Variants in RBBP8NL observed in about 807,000 individuals in gnomAD.
RBBP8NL encodes RBBP8 N-terminal-like protein.
A neutral mutation model predicts 62.2 loss-of-function variants in RBBP8NL; 59 were observed. The ratio of observed to expected loss-of-function variants is 0.95; its 90% CI spans 0.77 to 1.18. The LOEUF (loss-of-function observed/expected upper bound fraction) is 1.18. Ranked by LOEUF, RBBP8NL falls within the 50% of genes most tolerant of loss-of-function variation. RBBP8NL has a pLI of 0.00. For missense variants in RBBP8NL, 896 were observed against 899.5 expected, an observed-to-expected ratio of 1.00 and a Z score of 0.05; for synonymous variants, 412 against 394.1, an observed-to-expected ratio of 1.05 and a Z score of -0.54.
At chr20:62,418,751 C>T (rs1569026151) in intron 2 of RBBP8NL, among the ~76,000 whole-genome samples, 1 of 152,162 alleles carries the variant, frequency 6.6e-6, no homozygotes, top group Non-Finnish European at 1.5e-5. Flanking sequence ...TGACCAGCCA[C>T]CTGTGAAAGG....
rs558310414 is a variant in RBBP8NL, at chr20:62,419,867, G to A, written c.-83-137C>T. 203 of 559,570 alleles carry A rather than the reference G, an allele frequency of 3.6e-4. 1 individual carries two copies. The Middle Eastern group carries it at 8.4e-3, about 23-fold the overall frequency. 34.7% of individuals were successfully genotyped at this position (559,570 alleles called of 1,614,324 possible). A position where few individuals can be genotyped will look rare whatever the true frequency, so the allele number is the denominator to read the frequency against. ...GCTGTAGGGGCTACTCATGGGAGGT[G>A]GCCTGGAGGCTCCCGAACCCCACGG... On this transcript the variant is annotated intron_variant, in intron 1 of 13. Coordinates refer to ENST00000252998, the MANE Select transcript of RBBP8NL (RefSeq NM_080833.3).
chr20:62,417,895 C>T (rs1382448630), intron 3 of RBBP8NL, among the ~76,000 whole-genome samples: 1 of 55,902 alleles, frequency 1.8e-5, no homozygotes, highest in African/African-American at 9.3e-5. Context: ...GTCATCTGCA[C>T]GCTCCTCTGT....
chr20:62,416,683 C>G, intron 5 of RBBP8NL, 77 bp downstream of exon 5: 6 of 979,912 alleles, frequency 6.1e-6, no homozygotes, highest in Non-Finnish European at 9.5e-6. Flanking sequence ...TCCCCATGCC[C>G]CTACATGGGC....
chr20:62,420,801 C>T (rs1004384153), intron 1 of RBBP8NL, among the ~76,000 whole-genome samples: 10 of 152,348 alleles, frequency 6.6e-5, no homozygotes, highest in Non-Finnish European at 1.0e-4. Context: ...TCCCTCCCTG[C>T]CTGCCTCCCC....
At position 62,419,705 on chromosome 20, in the gene RBBP8NL, G is replaced by A. The variant is rs778659132; in HGVS notation, c.-58C>T. On this transcript the variant is annotated 5_prime_UTR_variant, in exon 2 of 14. Coordinates refer to ENST00000252998, the MANE Select transcript of RBBP8NL (RefSeq NM_080833.3). Reference sequence around the variant, plus strand: ...CGCTGGGGTTGTGGAGACGCCTGCAGCCTCTACTGCCCCTCTGTGTCCATC... The same window carrying A: ...CGCTGGGGTTGTGGAGACGCCTGCAACCTCTACTGCCCCTCTGTGTCCATC... 2.2e-5 allele frequency: 35 copies of A among 1,555,824 alleles called. No homozygotes were observed. The highest frequency in any genetic ancestry group is 2.9e-5 in the Non-Finnish European group (33 of 1,132,762).
chr20:62,417,660 C>T lies in RBBP8NL; in HGVS notation c.105-341G>A, dbSNP rs112639141. Among the ~76,000 whole-genome samples, 642 of 98,206 alleles carry T rather than the reference C, an allele frequency of 6.5e-3. 26 individuals are homozygous for T. Among genetic ancestry groups the T allele is most frequent in the African/African-American group, 0.028 (589 of 20,934 alleles). 64.4% of individuals were successfully genotyped at this position (98,206 alleles called of 152,430 possible). ...TCCTCTGTGACGTCTGTCCCGTCCACGCACCCCCCCCAGTCATCTGCACGC... is the reference window on the plus strand; with the variant it reads ...TCCTCTGTGACGTCTGTCCCGTCCATGCACCCCCCCCAGTCATCTGCACGC... On this transcript the variant is annotated intron_variant, in intron 3 of 13. Transcript: ENST00000252998.
chr20:62,413,267 G>A, intron 11 of RBBP8NL, 134 bp downstream of exon 11: 1 of 1,160,452 alleles, frequency 8.6e-7, no homozygotes, highest in East Asian at 2.8e-5. Flanking sequence ...CTGGAGCCTG[G>A]GGTTGCCCCG....
intron 3 of RBBP8NL, among the ~76,000 whole-genome samples, chr20:62,417,526 G>A (rs1601488307): frequency 1.5e-5 from 1 of 67,130 alleles, no homozygotes; most frequent in Non-Finnish European, 2.8e-5. Flanking sequence ...TCATCTGCAC[G>A]CTCCTCTGTG....
chr20:62,412,482 G>A, intron 13 of RBBP8NL, 142 bp downstream of exon 13: 1 of 1,123,154 alleles, frequency 8.9e-7, no homozygotes, highest in Non-Finnish European at 1.3e-6. Flanking sequence ...GTTCATTTGG[G>A]GAGGGTTGAG....
chr20:62,421,834 C>T (rs949586472), intron 1 of RBBP8NL, among the ~76,000 whole-genome samples: 35 of 136,072 alleles, frequency 2.6e-4, no homozygotes, highest in African/African-American at 2.5e-4. Flanking sequence ...TGTGCACACC[C>T]GAGCCAGTGT....
At position 62,415,293 on chromosome 20, in the gene RBBP8NL, A is replaced by G; in HGVS notation, c.628-6T>C. On this transcript the variant is annotated splice_region_variant and splice_polypyrimidine_tract_variant and intron_variant, in intron 8 of 13. Coordinates refer to ENST00000252998, the MANE Select transcript of RBBP8NL (RefSeq NM_080833.3). The stretch of plus-strand genomic sequence containing the variant: ...TTGGAGATGCGCTGGGGGCTCTGTG[A>G]GGATGGGTGGGTCAGCCTGGGCGGG... The G allele has an allele frequency of 6.4e-7, 1 of 1,567,960 alleles. No homozygotes were observed. The highest frequency in any genetic ancestry group is 1.2e-5 in the South Asian group (1 of 86,686).
chr20:62,414,146 G>A lies in RBBP8NL; in HGVS notation c.1205C>T (p.Thr402Ile), dbSNP rs753163773. 19 of 1,605,308 alleles carry A rather than the reference G, an allele frequency of 1.2e-5. No individual in the cohort carries two copies. The highest frequency in any genetic ancestry group is 1.1e-4 in the East Asian group (5 of 44,656). Residue 402 changes from threonine (T) to isoleucine (I), a missense_variant, in exon 10 of 14, where the codon ACC (threonine) becomes ATC (isoleucine). Transcript: ENST00000252998. ...SDSEGPENEG[T>I]RAALAAAGLS... ...GCCTGCTGCGGCCAGAGCTGCCCTG[G>A]TCCCCTCATTCTCAGGGCCCTCAGA...
In RBBP8NL at chr20:62,413,547, TG is replaced by T. The variant is rs1299781714; in HGVS notation, c.1531-3del. The T allele has an allele frequency of 3.3e-6, 5 of 1,521,404 alleles. No homozygotes were observed. Among genetic ancestry groups the T allele is most frequent in the South Asian group, 2.6e-5 (2 of 77,346 alleles). 94.2% of individuals were successfully genotyped at this position (1,521,404 alleles called of 1,614,324 possible). Reference sequence around the variant, plus strand: ...CCCTGGAAGTGGGCGTGAGGGGTCCTGGGGGGAGGCAAGTAGGTGGCTTGAG... The same window carrying T: ...CCCTGGAAGTGGGCGTGAGGGGTCCTGGGGGAGGCAAGTAGGTGGCTTGAG... On this transcript the variant is annotated splice_region_variant and splice_polypyrimidine_tract_variant and intron_variant, in intron 10 of 13. Coordinates refer to ENST00000252998, the MANE Select transcript of RBBP8NL (RefSeq NM_080833.3).
At chr20:62,425,229 G>C (rs936283737) in intron 1 of RBBP8NL, among the ~76,000 whole-genome samples, 1 of 152,174 alleles carries the variant, frequency 6.6e-6, no homozygotes, top group African/African-American at 2.4e-5. Flanking sequence ...CATGACCTGC[G>C]CCTCCCTCAT....
chr20:62,417,295 G>C lies in RBBP8NL; in HGVS notation c.129C>G (p.Leu43=). 1 of 1,602,656 alleles carries C rather than the reference G, an allele frequency of 6.2e-7. No homozygotes were observed. The highest frequency in any genetic ancestry group is 8.5e-7 in the Non-Finnish European group (1 of 1,174,792). ...RCRDAQRIEE[L]FSKNHQLREQ... ...CCCGGAGCTGGTGGTTCTTGGAGAAGAGCTCCTCGATCCTCTGGGCGTCCC... is the reference window on the plus strand; with the variant it reads ...CCCGGAGCTGGTGGTTCTTGGAGAACAGCTCCTCGATCCTCTGGGCGTCCC... The change falls in exon 4 of 14, where the codon CTC becomes CTG. Residue 43 remains leucine (L), a synonymous_variant. Coordinates refer to ENST00000252998, the MANE Select transcript of RBBP8NL (RefSeq NM_080833.3).
At chr20:62,420,350 G>GCA (rs55946617) in intron 1 of RBBP8NL, among the ~76,000 whole-genome samples, 17,990 of 129,342 alleles carry the variant, frequency 0.14, 1,306 homozygotes, top group Non-Finnish European at 0.19. Flanking sequence ...TGTCCCACAG[G>GCA]CACACACACA....
At chr20:62,412,497 ATTT>A in intron 13 of RBBP8NL, 124 bp downstream of exon 13, 1 of 1,311,882 alleles carries the variant, frequency 7.6e-7, no homozygotes. Context: ...GTTGAGGTTC[ATTT>A]TTGGCTCCAT....
In RBBP8NL at chr20:62,413,472, C is replaced by T. The variant is rs1474466967; in HGVS notation, c.1604G>A (p.Gly535Glu). ...TGGGTGGGGAGGTGGCAGAGGCCTC[C>T]CTGTGTCTTCATCTTCTGTACTGCC... ...SPGSTEDEDT[G>E]RPLPPPHPQP... The change falls in exon 11 of 14, where the codon GGG (glycine) becomes GAG (glutamate). Residue 535 changes from glycine to glutamate, a missense_variant. Coordinates refer to ENST00000252998, the MANE Select transcript of RBBP8NL (RefSeq NM_080833.3). The T allele has an allele frequency of 6.7e-7, 1 of 1,483,874 alleles. No homozygotes were observed. The highest frequency in any genetic ancestry group is 8.9e-7 in the Non-Finnish European group (1 of 1,121,902). 91.9% of individuals were successfully genotyped at this position (1,483,874 alleles called of 1,614,324 possible).
rs761137245 is a variant in RBBP8NL at position 62,414,240 on chromosome 20, C to G, written c.1111G>C (p.Gly371Arg). Residue 371 changes from glycine to arginine, a missense_variant, in exon 10 of 14, where the codon GGC becomes CGC. Physicochemically the swap from Gly to Arg is moderately radical, Grantham distance 125. Transcript: ENST00000252998. ...GGCTGGCCCCTTGGCCTGACACTGC[C>G]TGCCCTGGCCCTAGCCCGCAGCTGC... ...QQQLRARARA[G>R]SVRPRGQPTP... 6.3e-7 allele frequency: 1 copy of G among 1,598,550 alleles called. No individual in the cohort carries two copies. The highest frequency in any genetic ancestry group is 2.3e-5 in the East Asian group (1 of 44,378).
Sources: gnomAD v4.1 joint callset for allele counts (sites outside exome capture counted in the v4.1 genomes callset) on GRCh38, gnomAD v4.1.1 for gene constraint, MANE v1.5 for transcripts, NCBI Gene and HGNC (gene_info 2026-07-23, HGNC 2026-07-21) for gene names.